ZNF446: variants seen among roughly 807,000 people sequenced by gnomAD.
ZNF446 encodes the protein zinc finger protein 446, also known as zinc finger protein with KRAB and SCAN domains 20.
A neutral mutation model predicts 34.0 loss-of-function variants in ZNF446; 42 were observed. The ratio of observed to expected loss-of-function variants is 1.23; its 90% CI spans 0.96 to 1.60. ZNF446 has a LOEUF of 1.60. ZNF446 is among the 40% of genes most tolerant of loss of function. ZNF446 has a pLI of 0.00. For missense variants in ZNF446, 650 were observed against 600.2 expected, an observed-to-expected ratio of 1.08 and a Z score of -0.87; for synonymous variants, 315 against 251.0, an observed-to-expected ratio of 1.25 and a Z score of -2.41.
At position 58,477,486 on chromosome 19, in the gene ZNF446, C is replaced by T. The variant is rs1423309849; in HGVS notation, c.268C>T (p.Arg90Trp). Residue 90 changes from arginine to tryptophan, a missense_variant, in exon 2 of 7, where the codon CGG (arginine) becomes TGG (tryptophan). Coordinates refer to ENST00000594369, the MANE Select transcript of ZNF446 (RefSeq NM_017908.4). ...PEIQAWVRGQ[R>W]PGSPEEAAAL... ...GATCCAGGCCTGGGTGCGCGGTCAG[C>T]GGCCAGGCAGTCCTGAGGAGGCCGC... 1.2e-5 allele frequency: 19 copies of T among 1,613,350 alleles called. No homozygotes were observed. Among genetic ancestry groups the T allele is most frequent in the East Asian group, 2.2e-5 (1 of 44,900 alleles).
chr19:58,480,402 G>T lies in ZNF446; in HGVS notation c.1029G>T (p.Trp343Cys). 1 of 1,612,912 alleles carries T rather than the reference G, an allele frequency of 6.2e-7. No homozygotes were observed. Residue 343 changes from tryptophan to cysteine, a missense_variant, in exon 7 of 7, where the codon TGG becomes TGT. Physicochemically the swap from Trp to Cys is radical, Grantham distance 215. Coordinates refer to ENST00000594369, the MANE Select transcript of ZNF446 (RefSeq NM_017908.4). The surrounding 1 kb of genome is among the most constrained non-coding windows in gnomAD (Gnocchi z 7.2). ...TCEQCGRGFD[W>C]KSVFVIHHRT... ...AGCAGTGTGGCCGCGGCTTCGACTG[G>T]AAGTCAGTGTTCGTCATCCACCACC...
At chr19:58,477,991 G>T in intron 3 of ZNF446, 96 bp from the exon 4 acceptor site, 1 of 1,372,516 alleles carries the variant, frequency 7.3e-7, no homozygotes, top group Non-Finnish European at 1.0e-6. Context: ...CCAAGGGCTG[G>T]CTACGTGCCA....
the ZNF446 span, among the ~76,000 whole-genome samples, chr19:58,489,054 G>A: frequency 1.1e-4 from 16 of 152,244 alleles, no homozygotes. Flanking sequence ...ATAGGCTGAA[G>A]TAACTTTGAG....
downstream of ZNF446, among the ~76,000 whole-genome samples, chr19:58,482,787 G>A (rs891747028): frequency 1.3e-5 from 2 of 152,248 alleles, no homozygotes; most frequent in East Asian, 1.9e-4. Context: ...AGCAGGAGGC[G>A]AGAGCTGTGC....
In ZNF446 at chr19:58,480,119, A is replaced by T; in HGVS notation, c.803-57A>T. 6.4e-7 allele frequency: 1 copy of T among 1,568,140 alleles called. No homozygotes were observed. Among genetic ancestry groups the T allele is most frequent in the Non-Finnish European group, 8.6e-7 (1 of 1,163,798 alleles). ...GACGGGAGCTTGTGCCACGGCCACAAGCCTGAGGGAGGGGTTGCTGAGTGC... is the reference window on the plus strand; with the variant it reads ...GACGGGAGCTTGTGCCACGGCCACATGCCTGAGGGAGGGGTTGCTGAGTGC... On this transcript the variant is annotated intron_variant, in intron 6 of 6. Transcript: ENST00000594369. The surrounding 1 kb of genome is among the most constrained non-coding windows in gnomAD (Gnocchi z 7.2).
chr19:58,487,635 C>T, the ZNF446 span, among the ~76,000 whole-genome samples: 1 of 151,386 alleles, frequency 6.6e-6, no homozygotes, highest in African/African-American at 2.4e-5. Context: ...ATGGTAAAAC[C>T]CCGTCTCTAC....
chr19:58,480,013 C>T lies in ZNF446; in HGVS notation c.796C>T (p.Arg266Cys), dbSNP rs759571900. 30 of 1,581,168 alleles carry T rather than the reference C, an allele frequency of 1.9e-5. No homozygotes were observed. The highest frequency in any genetic ancestry group is 3.6e-5 in the Admixed American group (2 of 55,676). ...GGGGACAGGCGTCTGCAGAAGCCTG[C>T]GCTCGGGTGAGTGCCCCACACCATC... ...LTGTGVCRSL[R>C]SGNESEGPPG... The change falls in exon 6 of 7, where the codon CGC becomes TGC. Residue 266 changes from arginine to cysteine, a missense_variant. Physicochemically the swap from Arg to Cys is radical, Grantham distance 180. Transcript: ENST00000594369. The surrounding 1 kb of genome is among the most constrained non-coding windows in gnomAD (Gnocchi z 7.2).
rs567876261 is a variant in ZNF446, at chr19:58,477,480, G to A, written c.262G>A (p.Gly88Ser). Residue 88 changes from glycine to serine, a missense_variant, in exon 2 of 7, where the codon GGT becomes AGT. Physicochemically the swap from Gly to Ser is moderately conservative, Grantham distance 56. Coordinates refer to ENST00000594369, the MANE Select transcript of ZNF446 (RefSeq NM_017908.4). ...LPPEIQAWVR[G>S]QRPGSPEEAA... ...TCCCGAGATCCAGGCCTGGGTGCGC[G>A]GTCAGCGGCCAGGCAGTCCTGAGGA... 3.3e-5 allele frequency: 54 copies of A among 1,613,614 alleles called. No individual in the cohort carries two copies. The highest frequency in any genetic ancestry group is 6.7e-5 in the Admixed American group (4 of 60,016).
At chr19:58,488,226 G>T in the ZNF446 span, among the ~76,000 whole-genome samples, 7 of 142,546 alleles carry the variant, frequency 4.9e-5, no homozygotes, top group African/African-American at 1.8e-4. Flanking sequence ...CACCTGCCTT[G>T]CTCGTGGCCA....
At chr19:58,478,031 C>T in intron 3 of ZNF446, 56 bp from the exon 4 acceptor site, 2 of 1,519,678 alleles carry the variant, frequency 1.3e-6, no homozygotes, top group Non-Finnish European at 1.8e-6. Flanking sequence ...TCCTCATCTG[C>T]CATGGCTCAT....
In ZNF446 at chr19:58,478,191, C is replaced by T. The variant is rs1357453498; in HGVS notation, c.627+10C>T. 4.3e-6 allele frequency: 7 copies of T among 1,612,812 alleles called. No homozygotes were observed. In the South Asian group the frequency reaches 6.6e-5, roughly 15 times the overall value. On this transcript the variant is annotated intron_variant, in intron 4 of 6. Transcript: ENST00000594369. ...CCCACCCAGGATTCAGGTGAGCAGC[C>T]CCAAGTGGGAAGTATAGGCCCCAGG...
chr19:58,482,697 T>C (rs972407756), downstream of ZNF446, among the ~76,000 whole-genome samples: 2 of 152,192 alleles, frequency 1.3e-5, no homozygotes, highest in Non-Finnish European at 1.5e-5. Context: ...GAGGGCCTTC[T>C]AACCCGTTGC....
At chr19:58,481,468 A>G (rs1349104298), downstream of ZNF446, among the ~76,000 whole-genome samples, 1 of 152,008 alleles carries the variant, frequency 6.6e-6, no homozygotes, top group Non-Finnish European at 1.5e-5. Flanking sequence ...CACAAAGGGG[A>G]TTTCCTTTCG....
Position 58,481,059 on chromosome 19 carries a change from C to G in ZNF446, c.*333C>G. The G allele has an allele frequency of 3.0e-6, 1 of 330,484 alleles. No homozygotes were observed. The highest frequency in any genetic ancestry group is 5.7e-6 in the Non-Finnish European group (1 of 175,828). 20.5% of individuals were successfully genotyped at this position (330,484 alleles called of 1,614,324 possible). ...ACAACACTCCCTCTCCTGGGACCTCCTTGCCTCAGGTGGGTGTTCAAAAAC... is the reference window on the plus strand; with the variant it reads ...ACAACACTCCCTCTCCTGGGACCTCGTTGCCTCAGGTGGGTGTTCAAAAAC... On this transcript the variant is annotated 3_prime_UTR_variant, in exon 7 of 7. Transcript: ENST00000594369.
intron 4 of ZNF446, 85 bp downstream of exon 4, chr19:58,478,266 G>A: frequency 7.5e-7 from 1 of 1,325,652 alleles, no homozygotes; most frequent in Non-Finnish European, 1.0e-6. Flanking sequence ...TGGTTTTCCA[G>A]GCTCCTTGAC....
intron 1 of ZNF446, among the ~76,000 whole-genome samples, chr19:58,476,866 ATGAC>A (rs2053090809): frequency 6.6e-6 from 1 of 152,010 alleles, no homozygotes; most frequent in South Asian, 2.1e-4. Flanking sequence ...GAACTCTGTG[ATGAC>A]TGTCTTTCTC....
In ZNF446 at chr19:58,480,045, G is replaced by A; in HGVS notation, c.802+26G>A. On this transcript the variant is annotated intron_variant, in intron 6 of 6. Coordinates refer to ENST00000594369, the MANE Select transcript of ZNF446 (RefSeq NM_017908.4). The surrounding 1 kb of genome is among the most constrained non-coding windows in gnomAD (Gnocchi z 7.2). Reference sequence around the variant, plus strand: ...GTGAGTGCCCCACACCATCCAGCCTGAATCACCCCTCCTGTATCGGTGGGA... The same window carrying A: ...GTGAGTGCCCCACACCATCCAGCCTAAATCACCCCTCCTGTATCGGTGGGA... 1 of 1,570,790 alleles carries A rather than the reference G, an allele frequency of 6.4e-7. No individual in the cohort carries two copies. The highest frequency in any genetic ancestry group is 8.6e-7 in the Non-Finnish European group (1 of 1,163,822).
At chr19:58,486,986 G>C in the ZNF446 span, among the ~76,000 whole-genome samples, 5 of 126,596 alleles carry the variant, frequency 3.9e-5, no homozygotes, top group African/African-American at 9.3e-5. Flanking sequence ...TATTTTAGTA[G>C]AGACGGGGTT....
intron 3 of ZNF446, 23 bp downstream of exon 3, chr19:58,477,849 G>C: frequency 6.6e-7 from 1 of 1,513,162 alleles, no homozygotes; most frequent in Non-Finnish European, 8.8e-7. Flanking sequence ...TCCCACCAGA[G>C]ATGAGGGACT....
Sources: allele counts gnomAD v4.1 joint callset (sites outside exome capture counted in the v4.1 genomes callset), GRCh38; gene constraint gnomAD v4.1.1; non-coding constraint Gnocchi (gnomAD v3.1); transcripts MANE v1.5; gene names NCBI Gene and HGNC (gene_info 2026-07-23, HGNC 2026-07-21).